MAST4: variants seen among roughly 807,000 people sequenced by gnomAD.
MAST4 encodes the protein microtubule-associated serine/threonine-protein kinase 4.
A neutral mutation model predicts 162.7 loss-of-function variants in MAST4; 89 were observed. That is an observed-to-expected ratio of 0.55 (90% CI 0.46 to 0.65). MAST4 has a LOEUF of 0.65. Ranked by LOEUF, MAST4 falls within the 30% of genes least tolerant of loss-of-function variation. MAST4 has a pLI of 0.00. For synonymous variants in MAST4, 1,479 were observed against 1,361.1 expected (o/e 1.09, Z -1.91); for missense variants, 3,153 against 3,374.0 (o/e 0.93, Z 1.62).
intron 1 of MAST4, among the ~76,000 whole-genome samples, chr5:66,597,651 C>G (rs560668414): frequency 9.8e-4 from 150 of 152,330 alleles, no homozygotes; most frequent in African/African-American, 3.4e-3. Flanking sequence ...TCCAGCTTGT[C>G]CAGATGAACG....
At chr5:66,691,779 C>T (rs774618342) in intron 1 of MAST4, among the ~76,000 whole-genome samples, 11 of 152,080 alleles carry the variant, frequency 7.2e-5, no homozygotes, top group Non-Finnish European at 1.0e-4. Context: ...CAAAGCCCTG[C>T]CTCCTAATAC....
chr5:66,879,359 CACAT>C (rs1175074735), intron 3 of MAST4, among the ~76,000 whole-genome samples: 2,507 of 137,422 alleles, frequency 0.018, 62 homozygotes, highest in African/African-American at 0.066. Context: ...CACACACACA[CACAT>C]ATATATATAT....
intron 1 of MAST4, among the ~76,000 whole-genome samples, chr5:66,664,345 G>A (rs1248655928): frequency 6.7e-6 from 1 of 148,358 alleles, no homozygotes; most frequent in African/African-American, 2.5e-5. Context: ...TGAGGTAGGA[G>A]AATCGCTTGA....
intron 4 of MAST4, among the ~76,000 whole-genome samples, chr5:67,017,657 G>C (rs1377227860): frequency 6.8e-6 from 1 of 146,350 alleles, no homozygotes; most frequent in Non-Finnish European, 1.5e-5. Flanking sequence ...AGGCTGGAGT[G>C]CAATGGTGTG....
intron 13 of MAST4, among the ~76,000 whole-genome samples, chr5:67,119,651 C>A (rs1245812697): frequency 6.6e-6 from 1 of 152,134 alleles, no homozygotes; most frequent in Non-Finnish European, 1.5e-5. Flanking sequence ...TAGCTGTTTT[C>A]TTTTATTATC....
chr5:66,918,434 C>G (rs908547520), intron 4 of MAST4, among the ~76,000 whole-genome samples: 1 of 152,118 alleles, frequency 6.6e-6, no homozygotes, highest in African/African-American at 2.4e-5. Flanking sequence ...ACACTTGAAA[C>G]TGGATAAAGT....
chr5:67,066,156 T>C (rs1426987435), intron 5 of MAST4, among the ~76,000 whole-genome samples: 1 of 152,186 alleles, frequency 6.6e-6, no homozygotes, highest in East Asian at 1.9e-4. Flanking sequence ...TTTTTAAAAA[T>C]ATGTTTAAAA....
At chr5:66,621,797 C>A (rs555203750) in intron 1 of MAST4, among the ~76,000 whole-genome samples, 10 of 152,190 alleles carry the variant, frequency 6.6e-5, no homozygotes, top group Admixed American at 5.9e-4. Flanking sequence ...GTTTATATTG[C>A]ATGGAGGGGA....
intron 1 of MAST4, among the ~76,000 whole-genome samples, chr5:66,711,181 C>T (rs1439250344): frequency 6.6e-6 from 1 of 152,212 alleles, no homozygotes; most frequent in Non-Finnish European, 1.5e-5. Context: ...TATTCTTTCT[C>T]ATTTCTGCAT....
In MAST4 at chr5:66,974,579, G is replaced by A. The variant is rs563297763; in HGVS notation, c.674+74597G>A. On this transcript the variant is annotated intron_variant, in intron 4 of 28. Coordinates refer to ENST00000403625, the MANE Select transcript of MAST4 (RefSeq NM_001164664.2). ...ACACTCACTGCAAGGCACTTGTCAC[G>A]GACAGTGGAAACATTTTATGATGCA... is the stretch of plus-strand genomic sequence containing the variant. Among the ~76,000 whole-genome samples, 14 of 152,264 alleles carry A rather than the reference G, an allele frequency of 9.2e-5. No homozygotes were observed. In the East Asian group the frequency reaches 1.7e-3, roughly 19 times the overall value.
chr5:67,104,672 A>G, intron 10 of MAST4, 97 bp downstream of exon 10: 2 of 846,798 alleles, frequency 2.4e-6, no homozygotes, highest in Middle Eastern at 3.3e-4. Context: ...AATGGAGTTC[A>G]CATTCCAGAG....
chr5:66,605,824 C>G (rs576500062), intron 1 of MAST4, among the ~76,000 whole-genome samples: 5 of 152,286 alleles, frequency 3.3e-5, no homozygotes, highest in Admixed American at 2.6e-4. Context: ...GATTTTTCTC[C>G]TTAGAAACCT....
chr5:67,127,343 C>T (rs1024653532), intron 14 of MAST4, among the ~76,000 whole-genome samples: 2 of 152,100 alleles, frequency 1.3e-5, no homozygotes, highest in African/African-American at 4.8e-5. Context: ...CAGTTTTTGC[C>T]CATTCAGTAT....
intron 3 of MAST4, among the ~76,000 whole-genome samples, chr5:66,886,737 T>G (rs1303371110): frequency 6.6e-6 from 1 of 150,552 alleles, no homozygotes; most frequent in South Asian, 2.1e-4. Context: ...TAATAGAAAC[T>G]AAAGTGAAAA....
At position 66,915,831 on chromosome 5, in the gene MAST4, C is replaced by T. The variant is rs552957885; in HGVS notation, c.674+15849C>T. Among the ~76,000 whole-genome samples the T allele has an allele frequency of 9.7e-4, 147 of 152,298 alleles. 1 individual carries two copies. The highest frequency in any genetic ancestry group is 1.9e-3 in the Non-Finnish European group (129 of 68,014). ...CCTTCCTGGCTCACCCCTTAGTGTC[C>T]GCCTGAGGTTTCCAGAGTTAATGGA... On this transcript the variant is annotated intron_variant, in intron 4 of 28. Transcript: ENST00000403625.
intron 1 of MAST4, among the ~76,000 whole-genome samples, chr5:66,646,867 A>C (rs538911420): frequency 3.3e-5 from 5 of 152,222 alleles, no homozygotes; most frequent in Non-Finnish European, 7.3e-5. Flanking sequence ...TTTCTCTGTA[A>C]TGCTGGGCTA....
At chr5:67,050,289 C>T (rs1758013129) in intron 4 of MAST4, among the ~76,000 whole-genome samples, 1 of 152,148 alleles carries the variant, frequency 6.6e-6, no homozygotes. Flanking sequence ...TCTTTCAGTC[C>T]TCATTTCACC....
chr5:66,826,636 G>A (rs1420150717), intron 3 of MAST4, among the ~76,000 whole-genome samples: 1 of 151,236 alleles, frequency 6.6e-6, no homozygotes, highest in Non-Finnish European at 1.5e-5. Context: ...TTTCTCTGTA[G>A]TGGGAATTTG....
chr5:66,764,928 C>T (rs1754022951), intron 2 of MAST4, among the ~76,000 whole-genome samples: 1 of 152,184 alleles, frequency 6.6e-6, no homozygotes, highest in South Asian at 2.1e-4. Flanking sequence ...TCCCTGGTAG[C>T]AACTTCTATT....
Sources: gnomAD v4.1 joint callset for allele counts (sites outside exome capture counted in the v4.1 genomes callset) on GRCh38, gnomAD v4.1.1 for gene constraint, MANE v1.5 for transcripts, NCBI Gene and HGNC (gene_info 2026-07-23, HGNC 2026-07-21) for gene names.